Variants in FOXP1 observed in about 807,000 individuals in gnomAD.
FOXP1 encodes forkhead box protein P1.
FOXP1 carries 15 observed loss-of-function variants against 98.2 expected under a neutral mutation model. That is an observed-to-expected ratio of 0.15 (90% CI 0.10 to 0.24). The LOEUF (loss-of-function observed/expected upper bound fraction) is 0.24. Among genes scored for constraint, FOXP1 ranks in the 10% least tolerant of loss-of-function variants. The pLI is 1.00. For missense variants in FOXP1, 633 were observed against 848.5 expected (o/e 0.75, Z 3.15); for synonymous variants, 371 against 314.5 (o/e 1.18, Z -1.90).
At chr3:71,550,864 G>A (rs974039411) in intron 2 of FOXP1, among the ~76,000 whole-genome samples, 1 of 152,162 alleles carries the variant, frequency 6.6e-6, no homozygotes, top group Admixed American at 6.5e-5. Flanking sequence ...TGCCATTGCC[G>A]CTTCCGAGAG....
intron 4 of FOXP1, among the ~76,000 whole-genome samples, chr3:71,348,508 T>A (rs1391478977): frequency 5.8e-5 from 3 of 51,924 alleles, no homozygotes; most frequent in Non-Finnish European, 1.3e-4. Context: ...CTGTGTTCAG[T>A]GTGTGTGTGT....
At chr3:71,297,062 T>C (rs2073371877) in intron 5 of FOXP1, among the ~76,000 whole-genome samples, 1 of 152,072 alleles carries the variant, frequency 6.6e-6, no homozygotes, top group South Asian at 2.1e-4. Context: ...TATTCCTTTA[T>C]AGCAACACCA....
intron 2 of FOXP1, among the ~76,000 whole-genome samples, chr3:71,522,816 C>T (rs1035194003): frequency 3.9e-5 from 6 of 152,108 alleles, no homozygotes; most frequent in Admixed American, 1.3e-4. Context: ...ATGGGCCTAC[C>T]GTAAAGTCAA....
intron 4 of FOXP1, among the ~76,000 whole-genome samples, chr3:71,341,806 C>T (rs986042987): frequency 4.6e-5 from 7 of 152,208 alleles, no homozygotes; most frequent in East Asian, 3.8e-4. Flanking sequence ...ACTCTCCAGT[C>T]GTAAGACTGA....
intron 2 of FOXP1, among the ~76,000 whole-genome samples, chr3:71,558,802 C>CTTTTTTTTTTTTTTTTTTTT (rs35405702): frequency 3.4e-5 from 4 of 117,544 alleles, no homozygotes; most frequent in African/African-American, 1.0e-4. Flanking sequence ...CCGATTCTCA[C>CTTTTTTTTTTTTTTTTTTTT]TTTTTTTTTT....
intron 13 of FOXP1, among the ~76,000 whole-genome samples, chr3:70,999,735 T>C (rs2041874689): frequency 6.6e-6 from 1 of 152,202 alleles, no homozygotes; most frequent in African/African-American, 2.4e-5. Flanking sequence ...TTTAAGTGTA[T>C]TTTGGCTGAT....
At chr3:70,984,314 CTT>C (rs1362623465) in intron 14 of FOXP1, among the ~76,000 whole-genome samples, 3 of 152,182 alleles carry the variant, frequency 2.0e-5, no homozygotes, top group African/African-American at 7.2e-5. Context: ...GGCACCCACT[CTT>C]AACCTAAGGA....
intron 3 of FOXP1, among the ~76,000 whole-genome samples, chr3:71,473,061 C>T (rs966955958): frequency 2.6e-5 from 4 of 152,302 alleles, no homozygotes; most frequent in African/African-American, 7.2e-5. Context: ...GCACTAGAGC[C>T]TGTGTCTGTA....
chr3:70,973,239 C>CCCCCGCCCCCGCCCCCGCCCCG (rs1553663755), intron 17 of FOXP1, among the ~76,000 whole-genome samples: 1 of 138,082 alleles, frequency 7.2e-6, no homozygotes, highest in East Asian at 2.3e-4. Context: ...GGACCCCCCG[C>CCCCCGCCCCCGCCCCCGCCCCG]CCCCGCCCCG....
chr3:71,538,382 C>T (rs1395784376), intron 2 of FOXP1, among the ~76,000 whole-genome samples: 1 of 152,202 alleles, frequency 6.6e-6, no homozygotes, highest in Admixed American at 6.5e-5. Context: ...AATGGATTTG[C>T]CAGTTCTGGA....
intron 19 of FOXP1, among the ~76,000 whole-genome samples, chr3:70,967,015 A>C (rs1015505685): frequency 1.2e-4 from 18 of 152,350 alleles, no homozygotes; most frequent in African/African-American, 4.3e-4. Flanking sequence ...ATTTCATTAA[A>C]GAGGACACTT....
intron 7 of FOXP1, among the ~76,000 whole-genome samples, chr3:71,093,358 T>C (rs2056104677): frequency 6.6e-6 from 1 of 150,704 alleles, no homozygotes; most frequent in African/African-American, 2.4e-5. Flanking sequence ...AAATGTTCTA[T>C]ATCTGCATTA....
At chr3:71,448,852 A>G (rs2086685008) in intron 3 of FOXP1, among the ~76,000 whole-genome samples, 1 of 152,234 alleles carries the variant, frequency 6.6e-6, no homozygotes, top group South Asian at 2.1e-4. Context: ...AAACCTGCTT[A>G]GCAAACTTTG....
chr3:71,293,200 G>A (rs1352758645), intron 5 of FOXP1, among the ~76,000 whole-genome samples: 3 of 152,166 alleles, frequency 2.0e-5, no homozygotes, highest in East Asian at 1.9e-4. Context: ...TCTGTGGTAC[G>A]TCGTTAAGTT....
At chr3:71,437,948 T>C (rs2085524703) in intron 3 of FOXP1, among the ~76,000 whole-genome samples, 1 of 152,126 alleles carries the variant, frequency 6.6e-6, no homozygotes, top group African/African-American at 2.4e-5. Context: ...AGCCCACGGA[T>C]CTGCTGATGG....
intron 4 of FOXP1, among the ~76,000 whole-genome samples, chr3:71,339,116 T>C (rs904466203): frequency 6.6e-6 from 1 of 152,262 alleles, no homozygotes; most frequent in African/African-American, 2.4e-5. Context: ...TTACATTTTA[T>C]TCTATCGAGA....
intron 11 of FOXP1, among the ~76,000 whole-genome samples, chr3:71,036,651 A>T (rs2047633975): frequency 6.6e-6 from 1 of 152,144 alleles, no homozygotes; most frequent in African/African-American, 2.4e-5. Flanking sequence ...AAAAGTGGGG[A>T]TACGTTATTT....
At chr3:71,040,267 A>G (rs1055960429) in intron 11 of FOXP1, 7 of 152,148 alleles carry the variant, frequency 4.6e-5, no homozygotes, top group Admixed American at 6.5e-5. Context: ...TAACTGAAAT[A>G]TATAATTAAA....
intron 6 of FOXP1, among the ~76,000 whole-genome samples, chr3:71,162,251 G>A (rs2061175383): frequency 6.6e-6 from 1 of 152,190 alleles, no homozygotes; most frequent in Non-Finnish European, 1.5e-5. Context: ...TATTTGGAGA[G>A]CTGAAACCAT....
Sources: gnomAD v4.1 joint callset for allele counts (sites outside exome capture counted in the v4.1 genomes callset) on GRCh38, gnomAD v4.1.1 for gene constraint, MANE v1.5 for transcripts, NCBI Gene and HGNC (gene_info 2026-07-23, HGNC 2026-07-21) for gene names.